RASAL2: variants seen among roughly 807,000 people sequenced by gnomAD.
RASAL2 encodes ras GTPase-activating protein nGAP.
In RASAL2, 58 loss-of-function variants were observed where a neutral mutation model predicts 128.9. The observed-to-expected ratio is 0.45, with a 90% CI of 0.36 to 0.56. The LOEUF is 0.56. Among genes scored for constraint, RASAL2 ranks in the 20% least tolerant of loss-of-function variants. The probability of loss-of-function intolerance (pLI) is 0.00; values close to 1 mark genes in which losing one functional copy is unlikely to be tolerated. For missense variants in RASAL2, 1,360 were observed against 1,601.6 expected (o/e 0.85, Z 2.57); for synonymous variants, 561 against 580.8 (o/e 0.97, Z 0.49).
intron 3 of RASAL2, among the ~76,000 whole-genome samples, chr1:178,332,602 T>G (rs1422560911): frequency 2.0e-5 from 3 of 149,662 alleles, no homozygotes; most frequent in African/African-American, 7.6e-5. Context: ...GAGAAAAAAT[T>G]GTCTCCAATT....
At chr1:178,398,086 G>A (rs1250154825) in intron 4 of RASAL2, among the ~76,000 whole-genome samples, 2 of 151,894 alleles carry the variant, frequency 1.3e-5, no homozygotes, top group East Asian at 3.9e-4. Context: ...TTTTAGATAT[G>A]TAATATATTA....
chr1:178,402,532 G>T (rs964648202), intron 4 of RASAL2, among the ~76,000 whole-genome samples: 1 of 152,136 alleles, frequency 6.6e-6, no homozygotes, highest in Non-Finnish European at 1.5e-5. Flanking sequence ...ATAGCCTCTA[G>T]AAGTAATAAA....
At chr1:178,209,715 T>C (rs1663187058) in intron 1 of RASAL2, among the ~76,000 whole-genome samples, 1 of 152,054 alleles carries the variant, frequency 6.6e-6, no homozygotes, top group African/African-American at 2.4e-5. Flanking sequence ...ATAACATCCA[T>C]TTTTCCATTC....
intron 1 of RASAL2, among the ~76,000 whole-genome samples, chr1:178,168,832 G>A (rs1043778406): frequency 2.6e-5 from 4 of 152,062 alleles, no homozygotes; most frequent in South Asian, 2.1e-4. Flanking sequence ...GTTTGTCACC[G>A]AGTGTTTTGC....
chr1:178,474,738 A>G lies in RASAL2; in HGVS notation c.*1499A>G, dbSNP rs1444047112. The G allele has an allele frequency of 6.6e-6, 1 of 151,994 alleles. No homozygotes were observed. Among genetic ancestry groups the G allele is most frequent in the Non-Finnish European group, 1.5e-5 (1 of 68,004 alleles). 9.4% of individuals were successfully genotyped at this position (151,994 alleles called of 1,614,324 possible). A position where few individuals can be genotyped will look rare whatever the true frequency, so the allele number is the denominator to read the frequency against. On this transcript the variant is annotated 3_prime_UTR_variant, in exon 18 of 18. Transcript: ENST00000367649. The stretch of plus-strand genomic sequence containing the variant: ...CACATATGTACATATAACTGCACAA[A>G]TAGGAAAAGTTCATGCCTTCTATGC...
At chr1:178,263,995 G>A (rs1665823653) in intron 1 of RASAL2, among the ~76,000 whole-genome samples, 1 of 152,136 alleles carries the variant, frequency 6.6e-6, no homozygotes, top group Non-Finnish European at 1.5e-5. Context: ...GTATATTTAG[G>A]TACTCTTACT....
intron 1 of RASAL2, among the ~76,000 whole-genome samples, chr1:178,149,968 T>C (rs542840356): frequency 1.4e-4 from 21 of 152,302 alleles, no homozygotes; most frequent in Non-Finnish European, 2.8e-4. Context: ...TCTATTAGTA[T>C]TGGTTTCTGC....
intron 12 of RASAL2, chr1:178,456,512 C>T (rs1470072427): frequency 1.5e-6 from 1 of 657,806 alleles, no homozygotes; most frequent in Non-Finnish European, 2.7e-6. Context: ...ATGTCTGCCG[C>T]ACCTTGTTTC....
At chr1:178,317,753 T>TC (rs1668559443) in intron 3 of RASAL2, among the ~76,000 whole-genome samples, 1 of 149,102 alleles carries the variant, frequency 6.7e-6, no homozygotes, top group Non-Finnish European at 1.5e-5. Context: ...GCTCCTGGAT[T>TC]CATTGATTTT....
At chr1:178,454,314 T>C (rs1200973120) in intron 11 of RASAL2, 133 bp from the exon 12 acceptor site, 7 of 657,440 alleles carry the variant, frequency 1.1e-5, no homozygotes, top group Non-Finnish European at 1.8e-5. Flanking sequence ...CATTTATCAC[T>C]TATAGATAAT....
chr1:178,146,392 C>T (rs1660731919), intron 1 of RASAL2, among the ~76,000 whole-genome samples: 1 of 152,244 alleles, frequency 6.6e-6, no homozygotes. Flanking sequence ...TAATGCTTAA[C>T]ACTTATAGTC....
At chr1:178,419,025 G>C (rs1175541236) in intron 4 of RASAL2, among the ~76,000 whole-genome samples, 1 of 152,110 alleles carries the variant, frequency 6.6e-6, no homozygotes, top group Non-Finnish European at 1.5e-5. Context: ...GGGGTGATTA[G>C]ATAATCATAA....
chr1:178,409,361 G>A (rs1181478889), intron 4 of RASAL2, among the ~76,000 whole-genome samples: 1 of 152,148 alleles, frequency 6.6e-6, no homozygotes, highest in Non-Finnish European at 1.5e-5. Flanking sequence ...TAGATGTAAG[G>A]CTAGCTCTCT....
At chr1:178,116,649 GC>G (rs1659528735) in intron 1 of RASAL2, among the ~76,000 whole-genome samples, 2 of 151,338 alleles carry the variant, frequency 1.3e-5, no homozygotes, top group Admixed American at 1.3e-4. Context: ...TTGCTCTGTC[GC>G]CCAGGCTTGA....
intron 1 of RASAL2, among the ~76,000 whole-genome samples, chr1:178,126,000 A>G (rs1659886309): frequency 6.6e-6 from 1 of 152,212 alleles, no homozygotes; most frequent in Non-Finnish European, 1.5e-5. Context: ...AATAACTGAT[A>G]TTTTATAATG....
chr1:178,442,598 C>T (rs1676728382), intron 7 of RASAL2, 77 bp from the exon 8 acceptor site: 1 of 1,286,932 alleles, frequency 7.8e-7, no homozygotes, highest in African/African-American at 1.5e-5. Flanking sequence ...ACCTAATGAA[C>T]ATTGCCAACT....
chr1:178,398,591 A>G (rs928873033), intron 4 of RASAL2, among the ~76,000 whole-genome samples: 2 of 152,208 alleles, frequency 1.3e-5, no homozygotes, highest in Non-Finnish European at 2.9e-5. Context: ...TGTTTTGGCA[A>G]ACATTCTTTC....
chr1:178,114,565 A>G (rs1440218144), intron 1 of RASAL2, among the ~76,000 whole-genome samples: 1 of 149,912 alleles, frequency 6.7e-6, no homozygotes. Context: ...TCTTTTGCCC[A>G]GGCTGGAGTG....
intron 1 of RASAL2, among the ~76,000 whole-genome samples, chr1:178,252,853 C>T (rs1406426835): frequency 6.6e-6 from 1 of 152,174 alleles, no homozygotes; most frequent in Non-Finnish European, 1.5e-5. Flanking sequence ...TTTTTGCCAC[C>T]TAAATATTTC....
Sources: allele counts gnomAD v4.1 joint callset (sites outside exome capture counted in the v4.1 genomes callset), GRCh38; gene constraint gnomAD v4.1.1; transcripts MANE v1.5; gene names NCBI Gene and HGNC (gene_info 2026-07-23, HGNC 2026-07-21).